The following SLC10A7 variants were observed in gnomAD, a reference collection of about 807,000 sequenced individuals.
The protein encoded by SLC10A7 is sodium/bile acid cotransporter 7.
SLC10A7 carries 29 observed loss-of-function variants against 43.2 expected under a neutral mutation model. The ratio of observed to expected loss-of-function variants is 0.67; its 90% confidence interval spans 0.50 to 0.92. The LOEUF (loss-of-function observed/expected upper bound fraction) is 0.92. SLC10A7 is among the 40% of genes least tolerant of loss of function. The probability of loss-of-function intolerance (pLI) is 0.00; values close to 1 mark genes in which losing one functional copy is unlikely to be tolerated. For synonymous variants in SLC10A7, 152 were observed against 144.8 expected (o/e 1.05, Z -0.35); for missense variants, 295 against 403.2 (o/e 0.73, Z 2.30).
intron 5 of SLC10A7, among the ~76,000 whole-genome samples, chr4:146,357,738 A>G (rs2149758176): frequency 6.6e-6 from 1 of 152,292 alleles, no homozygotes; most frequent in South Asian, 2.1e-4. Flanking sequence ...CACTTGAAGA[A>G]TATGTCCCCT....
At chr4:146,459,516 C>G (rs1331650764) in intron 4 of SLC10A7, among the ~76,000 whole-genome samples, 1 of 151,340 alleles carries the variant, frequency 6.6e-6, no homozygotes, top group African/African-American at 2.4e-5. Flanking sequence ...AGAAACAGAT[C>G]TATATAGAGA....
At chr4:146,489,557 T>C (rs1735212852) in intron 4 of SLC10A7, among the ~76,000 whole-genome samples, 1 of 152,208 alleles carries the variant, frequency 6.6e-6, no homozygotes, top group African/African-American at 2.4e-5. Flanking sequence ...GAGCTTATTG[T>C]GATTGAGGTC....
In SLC10A7 at chr4:146,306,555, T is replaced by C. The variant is rs547295208; in HGVS notation, c.472-546A>G. On this transcript the variant is annotated intron_variant, in intron 6 of 11. Transcript: ENST00000335472. ...CTTATTTTTCAACTTAAAATTTCAATATAGCTCCCCTAAATTTGTACGCTT... is the reference window on the plus strand; with the variant it reads ...CTTATTTTTCAACTTAAAATTTCAACATAGCTCCCCTAAATTTGTACGCTT... 4.1e-4 allele frequency among the ~76,000 whole-genome samples: 62 copies of C among 152,298 alleles called. 2 individuals are homozygous for C. In the South Asian group the frequency reaches 0.012, roughly 31 times the overall value.
intron 9 of SLC10A7, among the ~76,000 whole-genome samples, chr4:146,283,518 A>T (rs559544443): frequency 6.6e-5 from 10 of 152,258 alleles, no homozygotes; most frequent in African/African-American, 2.4e-4. Flanking sequence ...GTATATAATC[A>T]GCCCCTGGAG....
rs72950654 is a variant in SLC10A7 at position 146,326,880 on chromosome 4, G to A, written c.436-884C>T. Among the ~76,000 whole-genome samples the A allele has an allele frequency of 6.1e-3, 931 of 151,858 alleles. 6 individuals are homozygous for A. Among genetic ancestry groups the A allele is most frequent in the African/African-American group, 0.021 (867 of 41,364 alleles). ...GGAATTTTAAAATTTCAGAGAATCTGAGGTTGTGCGTGCCTAAGACAGAAA... is the reference window on the plus strand; with the variant it reads ...GGAATTTTAAAATTTCAGAGAATCTAAGGTTGTGCGTGCCTAAGACAGAAA... On this transcript the variant is annotated intron_variant, in intron 5 of 11. Coordinates refer to ENST00000335472, the MANE Select transcript of SLC10A7 (RefSeq NM_001029998.6).
At chr4:146,453,712 G>A (rs949297442) in intron 4 of SLC10A7, among the ~76,000 whole-genome samples, 6 of 151,678 alleles carry the variant, frequency 4.0e-5, no homozygotes, top group Non-Finnish European at 5.9e-5. Context: ...CCGTTAAAAC[G>A]CATACAAAAA....
intron 4 of SLC10A7, among the ~76,000 whole-genome samples, chr4:146,463,419 G>A (rs771259625): frequency 2.0e-5 from 3 of 152,136 alleles, no homozygotes; most frequent in Admixed American, 6.6e-5. Context: ...ATGTCCATAC[G>A]TGCCCCTTGA....
intron 6 of SLC10A7, among the ~76,000 whole-genome samples, chr4:146,314,419 GT>G (rs2149692157): frequency 6.6e-6 from 1 of 152,218 alleles, no homozygotes; most frequent in East Asian, 1.9e-4. Flanking sequence ...ATGTGTTTGT[GT>G]ATACACATGC....
intron 10 of SLC10A7, among the ~76,000 whole-genome samples, chr4:146,278,353 G>A (rs985946413): frequency 3.9e-5 from 6 of 152,192 alleles, no homozygotes; most frequent in African/African-American, 1.4e-4. Flanking sequence ...TAGGCTTTGT[G>A]TGGAAAATAA....
intron 9 of SLC10A7, among the ~76,000 whole-genome samples, chr4:146,286,584 C>G (rs113897054): frequency 1.3e-4 from 11 of 87,210 alleles, no homozygotes; most frequent in Non-Finnish European, 2.3e-4. Context: ...AGGACCGAGT[C>G]TGGAGTGGTG....
At chr4:146,395,325 G>GGCTGCAGTGTGCCGTGATCATGCC (rs1738743715) in intron 5 of SLC10A7, among the ~76,000 whole-genome samples, 1 of 152,148 alleles carries the variant, frequency 6.6e-6, no homozygotes, top group Admixed American at 6.6e-5. Context: ...AGAAGTTCGA[G>GGCTGCAGTGTGCCGTGATCATGCC]GCTGCAGTGT....
At chr4:146,387,483 T>C (rs1443111328) in intron 5 of SLC10A7, among the ~76,000 whole-genome samples, 1 of 152,138 alleles carries the variant, frequency 6.6e-6, no homozygotes, top group East Asian at 1.9e-4. Flanking sequence ...CAACATCATA[T>C]GCATCAGGGA....
intron 4 of SLC10A7, among the ~76,000 whole-genome samples, chr4:146,462,681 C>G (rs1000273534): frequency 2.0e-5 from 3 of 152,066 alleles, no homozygotes; most frequent in African/African-American, 7.2e-5. Context: ...GTTATCCTTC[C>G]GTTAGTGACT....
intron 9 of SLC10A7, 60 bp downstream of exon 9, chr4:146,292,861 TAGTAGCCA>T: frequency 8.9e-7 from 1 of 1,118,814 alleles, no homozygotes; most frequent in Non-Finnish European, 1.3e-6. Context: ...TATAGTGGCA[TAGTAGCCA>T]AGTAGACCGC....
intron 5 of SLC10A7, among the ~76,000 whole-genome samples, chr4:146,432,887 A>T (rs1255736355): frequency 6.6e-6 from 1 of 151,772 alleles, no homozygotes; most frequent in Non-Finnish European, 1.5e-5. Context: ...AAATACAAAA[A>T]ATTAGCCGGG....
intron 1 of SLC10A7, 114 bp from the exon 2 acceptor site, chr4:146,517,234 G>A (rs576857246): frequency 3.1e-5 from 22 of 711,374 alleles, no homozygotes; most frequent in South Asian, 8.3e-5. Context: ...AGGCCGAGGC[G>A]AGTAGAGCAC....
At chr4:146,452,705 A>G (rs1731698070) in intron 4 of SLC10A7, among the ~76,000 whole-genome samples, 1 of 152,060 alleles carries the variant, frequency 6.6e-6, no homozygotes, top group African/African-American at 2.4e-5. Flanking sequence ...ATACCACAGA[A>G]AAGTAAACAT....
At chr4:146,472,749 A>G (rs1370469123) in intron 4 of SLC10A7, among the ~76,000 whole-genome samples, 1 of 152,142 alleles carries the variant, frequency 6.6e-6, no homozygotes, top group East Asian at 1.9e-4. Context: ...TTACTTTACT[A>G]CAAAAGACAG....
intron 10 of SLC10A7, among the ~76,000 whole-genome samples, chr4:146,267,281 C>A (rs376462084): frequency 6.6e-6 from 1 of 152,158 alleles, no homozygotes; most frequent in African/African-American, 2.4e-5. Flanking sequence ...TCTGGTGCTG[C>A]CCCTACACTA....
Sources: gnomAD v4.1 joint callset for allele counts (sites outside exome capture counted in the v4.1 genomes callset) on GRCh38, gnomAD v4.1.1 for gene constraint, MANE v1.5 for transcripts, NCBI Gene and HGNC (gene_info 2026-07-23, HGNC 2026-07-21) for gene names.